Variants in ZDHHC11 observed in about 807,000 individuals in gnomAD.
The protein encoded by ZDHHC11 is palmitoyltransferase ZDHHC11.
In ZDHHC11, 44 loss-of-function variants were observed where a neutral mutation model predicts 51.3. The observed-to-expected ratio is 0.86, with a 90% CI of 0.67 to 1.10. ZDHHC11 has a LOEUF of 1.10. ZDHHC11 is among the 50% of genes least tolerant of loss of function. The probability of loss-of-function intolerance (pLI) is 0.00; values close to 1 mark genes in which losing one functional copy is unlikely to be tolerated. For synonymous variants in ZDHHC11, 163 were observed against 222.0 expected, an observed-to-expected ratio of 0.73 and a Z score of 2.36; for missense variants, 400 against 537.7, an observed-to-expected ratio of 0.74 and a Z score of 2.53.
rs886386317 is a variant in ZDHHC11 at position 850,796 on chromosome 5, G to A, written c.-194C>T. On this transcript the variant is annotated 5_prime_UTR_variant, in exon 1 of 13. Transcript: ENST00000283441. The stretch of plus-strand genomic sequence containing the variant: ...TGGGCTGGAGTCGGTGCAGGGCCCC[G>A]CCCAGGGGAATGAACAGACATGCTG... The A allele has an allele frequency of 4.4e-6, 3 of 679,348 alleles. No individual in the cohort carries two copies. Among genetic ancestry groups the A allele is most frequent in the Admixed American group, 2.9e-5 (1 of 34,118 alleles). The allele number at this position is 679,348 out of a possible 1,614,324, so 42.1% of individuals were successfully genotyped here.
chr5:813,614 G>T (rs1293311042), intron 11 of ZDHHC11, among the ~76,000 whole-genome samples: 19 of 149,150 alleles, frequency 1.3e-4, no homozygotes, highest in African/African-American at 4.8e-4. Context: ...TACCTGGTTT[G>T]GCCATCTGGC....
chr5:854,232 C>T (rs1747781469), upstream of ZDHHC11, among the ~76,000 whole-genome samples: 1 of 131,864 alleles, frequency 7.6e-6, no homozygotes, highest in African/African-American at 2.9e-5. Flanking sequence ...GTCAGACTGC[C>T]CAGAGGACAT....
intron 11 of ZDHHC11, among the ~76,000 whole-genome samples, chr5:803,434 T>C (rs1231479885): frequency 2.0e-5 from 3 of 151,312 alleles, no homozygotes; most frequent in Non-Finnish European, 1.5e-5. Flanking sequence ...TGACAAGAAA[T>C]ACACATTTTG....
At chr5:843,481 G>A (rs1745413354) in intron 4 of ZDHHC11, 119 bp downstream of exon 4, 4 of 1,523,306 alleles carry the variant, frequency 2.6e-6, no homozygotes, top group South Asian at 2.4e-5. Context: ...CCTGCATGGG[G>A]CTGCCTGCCC....
chr5:850,729 A>G lies in ZDHHC11; in HGVS notation c.-127T>C. On this transcript the variant is annotated 5_prime_UTR_variant, in exon 1 of 13. Coordinates refer to ENST00000283441, the MANE Select transcript of ZDHHC11 (RefSeq NM_024786.3). ...GACCAGCACTGACAGCCAATGGCCC[A>G]GCACTGCCTGGGGCCACGTTCCCCG... is the stretch of plus-strand genomic sequence containing the variant. 1 of 1,194,432 alleles carries G rather than the reference A, an allele frequency of 8.4e-7. No individual in the cohort carries two copies. 74.0% of individuals were successfully genotyped at this position (1,194,432 alleles called of 1,614,324 possible). A position where few individuals can be genotyped will look rare whatever the true frequency, so the allele number is the denominator to read the frequency against.
chr5:805,351 T>C (rs1386119975), intron 11 of ZDHHC11, among the ~76,000 whole-genome samples: 2 of 150,722 alleles, frequency 1.3e-5, no homozygotes, highest in African/African-American at 2.4e-5. Context: ...GGTGGAAAGA[T>C]TGCTTGAGCC....
Position 827,862 on chromosome 5 carries a change from C to T in ZDHHC11, c.936-2611G>A, listed in dbSNP as rs570176016. 1.3e-3 allele frequency among the ~76,000 whole-genome samples: 200 copies of T among 151,002 alleles called. 7 individuals are homozygous for T. Among genetic ancestry groups the T allele is most frequent in the Admixed American group, 0.012 (182 of 15,214 alleles). ...AAAACAAGTGAACAAAGGTCTCTGG[C>T]TTTCCTAGGCAGAGGACCCAGCGGC... On this transcript the variant is annotated intron_variant, in intron 7 of 12. Transcript: ENST00000283441.
intron 9 of ZDHHC11, 75 bp downstream of exon 9, chr5:821,786 A>C (rs939194558): frequency 1.4e-6 from 2 of 1,392,858 alleles, no homozygotes; most frequent in African/African-American, 2.8e-5. Context: ...TATTTTCCTA[A>C]GTAATTCGAG....
chr5:841,868 G>C, intron 4 of ZDHHC11: 2 of 988,970 alleles, frequency 2.0e-6, no homozygotes, highest in Non-Finnish European at 2.4e-6. Flanking sequence ...GACTCAGCAT[G>C]GATGTCTTTC....
At chr5:804,042 T>C (rs147669156) in intron 11 of ZDHHC11, among the ~76,000 whole-genome samples, 1,494 of 148,320 alleles carry the variant, frequency 0.01, 49 homozygotes, top group African/African-American at 0.034. Context: ...AACATAGGAG[T>C]CTCCAAAGTA....
Position 850,925 on chromosome 5 carries a change from T to C in ZDHHC11, c.-323A>G, listed in dbSNP as rs989543108. On this transcript the variant is annotated 5_prime_UTR_variant, in exon 1 of 13. Coordinates refer to ENST00000283441, the MANE Select transcript of ZDHHC11 (RefSeq NM_024786.3). ...CCGCCCATCAGTTCCCCTGAGGATTTGTTACGTTCTGGGGAGTGCTCGACA... is the reference window on the plus strand; with the variant it reads ...CCGCCCATCAGTTCCCCTGAGGATTCGTTACGTTCTGGGGAGTGCTCGACA... 5 of 438,434 alleles carry C rather than the reference T, an allele frequency of 1.1e-5. No individual in the cohort carries two copies. In the African/African-American group the frequency reaches 1.4e-4, roughly 12 times the overall value. 27.2% of individuals were successfully genotyped at this position (438,434 alleles called of 1,614,324 possible).
intron 4 of ZDHHC11, chr5:841,825 A>C (rs528726888): frequency 1.0e-6 from 1 of 994,232 alleles, no homozygotes; most frequent in African/African-American, 1.7e-5. Flanking sequence ...GCAGAATGGC[A>C]GAGGGATGGA....
intron 8 of ZDHHC11, among the ~76,000 whole-genome samples, chr5:824,870 A>G (rs1418182179): frequency 6.6e-6 from 1 of 151,324 alleles, no homozygotes; most frequent in African/African-American, 2.4e-5. Flanking sequence ...TGGGCACTTC[A>G]GAGCCTGCCT....
Position 799,213 on chromosome 5 carries a change from C to T in ZDHHC11, c.*7+1887G>A, listed in dbSNP as rs1261869106. Among the ~76,000 whole-genome samples the T allele has an allele frequency of 2.6e-5, 4 of 151,382 alleles. 1 individual carries two copies. Among genetic ancestry groups the T allele is most frequent in the African/African-American group, 9.7e-5 (4 of 41,202 alleles). On this transcript the variant is annotated intron_variant, in intron 12 of 12. Transcript: ENST00000283441. ...CATGCTCAAGTACTTCTTGCTCTAA[C>T]GAACCCATGAGACCTTGTTGTCGAA... is the stretch of plus-strand genomic sequence containing the variant.
intron 1 of ZDHHC11, among the ~76,000 whole-genome samples, chr5:849,266 A>G (rs1170700678): frequency 6.6e-6 from 1 of 151,926 alleles, no homozygotes; most frequent in Non-Finnish European, 1.5e-5. Flanking sequence ...TCCCCCACAG[A>G]ATGTACCGCA....
chr5:831,384 G>T (rs1321954721), intron 7 of ZDHHC11, among the ~76,000 whole-genome samples: 1 of 149,462 alleles, frequency 6.7e-6, no homozygotes, highest in African/African-American at 2.5e-5. Flanking sequence ...AAGAGTTCAA[G>T]ACCAGCCTGG....
chr5:845,765 C>G (rs570781081), intron 3 of ZDHHC11, among the ~76,000 whole-genome samples: 86 of 151,408 alleles, frequency 5.7e-4, no homozygotes, highest in African/African-American at 2.0e-3. Context: ...GGGACAGAAG[C>G]GAGGTTGGCA....
chr5:859,608 C>T (rs1357555043), upstream of ZDHHC11, among the ~76,000 whole-genome samples: 3 of 152,182 alleles, frequency 2.0e-5, no homozygotes, highest in Non-Finnish European at 4.4e-5. Flanking sequence ...GACTTCAGCA[C>T]GTGTTTTCGT....
At chr5:813,050 T>C (rs1740296904) in intron 11 of ZDHHC11, among the ~76,000 whole-genome samples, 2 of 144,498 alleles carry the variant, frequency 1.4e-5, no homozygotes, top group Non-Finnish European at 3.0e-5. Context: ...TAAATGTTGC[T>C]CCATGGCCAG....
Sources: gnomAD v4.1 joint callset for allele counts (sites outside exome capture counted in the v4.1 genomes callset) on GRCh38, gnomAD v4.1.1 for gene constraint, MANE v1.5 for transcripts, NCBI Gene and HGNC (gene_info 2026-07-23, HGNC 2026-07-21) for gene names.